PIK3C2G: variants seen among roughly 807,000 people sequenced by gnomAD.
The protein encoded by PIK3C2G is phosphatidylinositol-4-phosphate 3-kinase catalytic subunit type 2 gamma.
In PIK3C2G, 168 loss-of-function variants were observed where a neutral mutation model predicts 181.1. That is an observed-to-expected ratio of 0.93 (90% CI 0.82 to 1.05). The LOEUF (loss-of-function observed/expected upper bound fraction) is 1.05. Ranked by LOEUF, PIK3C2G falls within the 50% of genes least tolerant of loss-of-function variation. The probability of loss-of-function intolerance (pLI) is 0.00; values close to 1 mark genes in which losing one functional copy is unlikely to be tolerated. For missense variants in PIK3C2G, 1,869 were observed against 1,732.8 expected (o/e 1.08, Z -1.40); for synonymous variants, 573 against 592.2 (o/e 0.97, Z 0.47).
intron 5 of PIK3C2G, among the ~76,000 whole-genome samples, chr12:18,309,797 G>A (rs1950565398): frequency 6.6e-6 from 1 of 151,758 alleles, no homozygotes; most frequent in Non-Finnish European, 1.5e-5. Flanking sequence ...GTCTCTTGTA[G>A]CTCCAGGGTT....
intron 30 of PIK3C2G, among the ~76,000 whole-genome samples, chr12:18,609,210 C>T (rs1490284751): frequency 6.6e-6 from 1 of 152,040 alleles, no homozygotes; most frequent in Non-Finnish European, 1.5e-5. Context: ...ACCTCTAATA[C>T]TTTAAGCTCA....
chr12:18,561,744 A>G (rs1314274040), intron 26 of PIK3C2G, among the ~76,000 whole-genome samples: 1 of 151,102 alleles, frequency 6.6e-6, no homozygotes. Context: ...AACTTTCTTA[A>G]ATACAAAAAA....
intron 24 of PIK3C2G, among the ~76,000 whole-genome samples, chr12:18,528,481 C>A (rs1010980569): frequency 2.0e-5 from 3 of 152,078 alleles, no homozygotes; most frequent in Non-Finnish European, 4.4e-5. Flanking sequence ...TACTAAGTCC[C>A]ACTAAGTTTT....
chr12:18,640,762 C>A (rs1050205023), intron 32 of PIK3C2G, among the ~76,000 whole-genome samples: 3 of 152,244 alleles, frequency 2.0e-5, no homozygotes, highest in Middle Eastern at 3.4e-3. Flanking sequence ...CTCTTATAAA[C>A]CAATTTGCAA....
In PIK3C2G at chr12:18,581,099, A is replaced by C. The variant is rs922148894; in HGVS notation, c.4012-13395A>C. ...AGCACTTAGGTTTTAAGTAACTTTG[A>C]ATTGATCAACTCTCTGAAAAAATCA... On this transcript the variant is annotated intron_variant, in intron 29 of 32. Coordinates refer to ENST00000538779, the MANE Select transcript of PIK3C2G (RefSeq NM_001288772.2). 7.9e-5 allele frequency among the ~76,000 whole-genome samples: 12 copies of C among 152,370 alleles called. 1 individual carries two copies. Among genetic ancestry groups the C allele is most frequent in the African/African-American group, 2.6e-4 (11 of 41,594 alleles).
chr12:18,696,149 C>A, the PIK3C2G span: 1 of 1,418,220 alleles, frequency 7.1e-7, no homozygotes, highest in Non-Finnish European at 9.9e-7. Context: ...ATATAACATA[C>A]CCATTTGACA....
intron 16 of PIK3C2G, among the ~76,000 whole-genome samples, chr12:18,415,512 T>C (rs1441094003): frequency 2.0e-5 from 3 of 152,184 alleles, no homozygotes; most frequent in Non-Finnish European, 1.5e-5. Context: ...CCCTACAATA[T>C]TGAAACTAGG....
At chr12:18,461,198 G>GT (rs1406573682) in intron 18 of PIK3C2G, among the ~76,000 whole-genome samples, 2 of 152,018 alleles carry the variant, frequency 1.3e-5, no homozygotes, top group Non-Finnish European at 2.9e-5. Context: ...TTTCTAAAAA[G>GT]TAAGTAGCAT....
At position 18,383,271 on chromosome 12, in the gene PIK3C2G, G is replaced by A. The variant is rs371193238; in HGVS notation, c.1995+1391G>A. Among the ~76,000 whole-genome samples the A allele has an allele frequency of 1.5e-3, 227 of 152,254 alleles. No individual in the cohort carries two copies. In the Middle Eastern group the frequency reaches 0.017, roughly 11 times the overall value. On this transcript the variant is annotated intron_variant, in intron 14 of 32. Coordinates refer to ENST00000538779, the MANE Select transcript of PIK3C2G (RefSeq NM_001288772.2). ...TTATGGTAAACACTCTTACAAAAAT[G>A]AGCGAATATGTAATACTAAGCCAGG... is the stretch of plus-strand genomic sequence containing the variant.
chr12:18,299,199 G>A (rs1433941954), intron 5 of PIK3C2G, among the ~76,000 whole-genome samples: 1 of 151,994 alleles, frequency 6.6e-6, no homozygotes, highest in East Asian at 1.9e-4. Context: ...ATTTATTTGT[G>A]TGCTGTTCAA....
chr12:18,425,125 C>T, intron 18 of PIK3C2G: 1 of 197,010 alleles, frequency 5.1e-6, no homozygotes, highest in South Asian at 1.2e-4. Context: ...TTTGTAGATG[C>T]CACTGCTCGT....
intron 8 of PIK3C2G, among the ~76,000 whole-genome samples, chr12:18,338,139 T>C (rs936988531): frequency 6.6e-6 from 1 of 152,148 alleles, no homozygotes; most frequent in African/African-American, 2.4e-5. Flanking sequence ...TCCTTACCAC[T>C]TCCTCTCCTT....
the PIK3C2G span, among the ~76,000 whole-genome samples, chr12:18,675,639 T>C: frequency 1.3e-5 from 2 of 152,130 alleles, no homozygotes; most frequent in Non-Finnish European, 2.9e-5. Flanking sequence ...CAATGGTTGA[T>C]TGGGTAAATA....
chr12:18,350,162 G>A (rs1184961675), intron 11 of PIK3C2G, among the ~76,000 whole-genome samples: 1 of 152,144 alleles, frequency 6.6e-6, no homozygotes, highest in Admixed American at 6.5e-5. Context: ...ATCAGTGAAA[G>A]TGAGTCCAGA....
At chr12:18,645,229 T>A (rs565590727) in intron 32 of PIK3C2G, among the ~76,000 whole-genome samples, 18 of 152,252 alleles carry the variant, frequency 1.2e-4, no homozygotes, top group African/African-American at 4.3e-4. Flanking sequence ...TCTCAAAGAA[T>A]ATAATCATCT....
intron 25 of PIK3C2G, among the ~76,000 whole-genome samples, chr12:18,543,666 T>C (rs1944281582): frequency 6.6e-6 from 1 of 151,950 alleles, no homozygotes; most frequent in South Asian, 2.1e-4. Context: ...ACACTGCTTG[T>C]TTTTGTCAGC....
rs151013808 is a variant in PIK3C2G, at chr12:18,599,730, A to G, written c.4087+5161A>G. Among the ~76,000 whole-genome samples, 925 of 151,826 alleles carry G rather than the reference A, an allele frequency of 6.1e-3. 3 individuals are homozygous for G. Among genetic ancestry groups the G allele is most frequent in the Middle Eastern group, 0.01 (3 of 292 alleles). Reference sequence around the variant, plus strand: ...AAGAAAACACACCTAAAACAAAGTGATTGTGAAAGGTTGAAAATTAAAATA... The same window carrying G: ...AAGAAAACACACCTAAAACAAAGTGGTTGTGAAAGGTTGAAAATTAAAATA... On this transcript the variant is annotated intron_variant, in intron 30 of 32. Coordinates refer to ENST00000538779, the MANE Select transcript of PIK3C2G (RefSeq NM_001288772.2).
chr12:18,703,168 G>A, the PIK3C2G span, among the ~76,000 whole-genome samples: 9 of 152,166 alleles, frequency 5.9e-5, no homozygotes, highest in South Asian at 2.1e-4. Flanking sequence ...GATATGTTTC[G>A]AAATTCTTTA....
intron 11 of PIK3C2G, among the ~76,000 whole-genome samples, chr12:18,350,853 G>A (rs1222686393): frequency 6.6e-6 from 1 of 152,154 alleles, no homozygotes; most frequent in Non-Finnish European, 1.5e-5. Flanking sequence ...GAAATCCGAA[G>A]AGTTTGATGG....
Sources: gnomAD v4.1 joint callset for allele counts (sites outside exome capture counted in the v4.1 genomes callset) on GRCh38, gnomAD v4.1.1 for gene constraint, MANE v1.5 for transcripts, NCBI Gene and HGNC (gene_info 2026-07-23, HGNC 2026-07-21) for gene names.